DIAPH1: variants seen among roughly 807,000 people sequenced by gnomAD.
DIAPH1 encodes the protein protein diaphanous homolog 1.
In DIAPH1, 46 loss-of-function variants were observed where a neutral mutation model predicts 140.7. That is an observed-to-expected ratio of 0.33 (90% CI 0.26 to 0.42). The LOEUF is 0.42. Among genes scored for constraint, DIAPH1 ranks in the 10% least tolerant of loss-of-function variants. The pLI is 1.00. For missense variants in DIAPH1, 1,310 were observed against 1,558.7 expected, an observed-to-expected ratio of 0.84 and a Z score of 2.69; for synonymous variants, 565 against 551.6, an observed-to-expected ratio of 1.02 and a Z score of -0.34.
intron 18 of DIAPH1, among the ~76,000 whole-genome samples, chr5:141,553,650 A>AC (rs992834067): frequency 3.3e-4 from 50 of 151,792 alleles, no homozygotes; most frequent in African/African-American, 1.2e-3. Flanking sequence ...TCTCAAAAAA[A>AC]CCCCCCAAGA....
intron 1 of DIAPH1, chr5:141,618,318 G>C (rs2099903020): frequency 1.3e-5 from 2 of 153,138 alleles, no homozygotes; most frequent in Non-Finnish European, 2.9e-5. Context: ...GGGACTGGGC[G>C]GGAGGAAAGT....
At chr5:141,576,446 T>C in intron 13 of DIAPH1, 152 bp from the exon 14 acceptor site, 1 of 756,628 alleles carries the variant, frequency 1.3e-6, no homozygotes, top group Non-Finnish European at 2.3e-6. Context: ...TTCAGTTAAG[T>C]TCAACATGTA....
Position 141,575,150 on chromosome 5 carries a change from G to C in DIAPH1, c.1462-4C>G, listed in dbSNP as rs758566221. The C allele has an allele frequency of 1.9e-5, 30 of 1,614,108 alleles. No individual in the cohort carries two copies. The Middle Eastern group carries it at 1.5e-3, about 80-fold the overall frequency. ...GGGCTGTTAACTCTGAGTCCAACTA[G>C]AGAAAAAACGAATCAGGCTCCCAGC... On this transcript the variant is annotated splice_region_variant and splice_polypyrimidine_tract_variant and intron_variant, in intron 14 of 27. Transcript: ENST00000389054.
Position 141,573,686 on chromosome 5 carries a change from C to T in DIAPH1, c.2164G>A (p.Gly722Ser). ...GMPPPPPPLP[G>S]GPGIPPPPPF... ...GGAGGTGGAGGGATTCCAGGACCAC[C>T]AGGAAGAGGGGGAGGAGGAGGTGGC... Residue 722 changes from glycine (G) to serine (S), a missense_variant, in exon 16 of 28, where the codon GGT becomes AGT. By Grantham distance (56) the Gly-to-Ser change is moderately conservative. Transcript: ENST00000389054. 1.2e-6 allele frequency: 2 copies of T among 1,602,816 alleles called. No homozygotes were observed. Among genetic ancestry groups the T allele is most frequent in the African/African-American group, 2.7e-5 (2 of 73,134 alleles).
chr5:141,579,093 G>A lies in DIAPH1; in HGVS notation c.928C>T (p.Leu310=), dbSNP rs2099896372. Reference sequence around the variant, plus strand: ...GTTTCAGGGGATATACATGCCTTCAGTGCAATAGTGGTTCCACTTTTTAAT... The same window carrying A: ...GTTTCAGGGGATATACATGCCTTCAATGCAATAGTGGTTCCACTTTTTAAT... ...DGLKSGTTIA[L]KVGCLQLINA... The change falls in exon 9 of 28, where the codon CTG becomes TTG. Residue 310 remains leucine, a synonymous_variant. Transcript: ENST00000389054. The A allele has an allele frequency of 6.2e-7, 1 of 1,612,126 alleles. No individual in the cohort carries two copies. The highest frequency in any genetic ancestry group is 1.1e-5 in the South Asian group (1 of 91,060).
At chr5:141,571,524 A>G (rs978552796) in intron 17 of DIAPH1, 88 bp from the exon 18 acceptor site, 4 of 1,175,714 alleles carry the variant, frequency 3.4e-6, no homozygotes, top group Non-Finnish European at 5.0e-6. Flanking sequence ...GGTTCTTGTT[A>G]CTGTAGACAG....
At chr5:141,538,721 C>T (rs2099889478) in intron 18 of DIAPH1, among the ~76,000 whole-genome samples, 1 of 152,148 alleles carries the variant, frequency 6.6e-6, no homozygotes, top group Non-Finnish European at 1.5e-5. Context: ...GCGTGAGCCA[C>T]CGTGCCCAGC....
chr5:141,526,112 A>G lies in DIAPH1; in HGVS notation c.3500T>C (p.Leu1167Pro). The part of the protein sequence containing the change: ...ETEEKMRRAK[L>P]AKEKAEKERL... ...CTCCTTCTCTGCCTTCTCCTTGGCTAGTTTTGCTCGCCTCATCTTTTCTTC... is the reference window on the plus strand; with the variant it reads ...CTCCTTCTCTGCCTTCTCCTTGGCTGGTTTTGCTCGCCTCATCTTTTCTTC... Residue 1167 changes from leucine (L) to proline (P), a missense_variant, in exon 26 of 28, where the codon CTA becomes CCA. By Grantham distance (98) the Leu-to-Pro change is moderately conservative. Transcript: ENST00000389054. 6.2e-7 allele frequency: 1 copy of G among 1,613,982 alleles called. No individual in the cohort carries two copies. The highest frequency in any genetic ancestry group is 1.3e-5 in the African/African-American group (1 of 74,956).
At chr5:141,574,929 G>C in intron 15 of DIAPH1, 38 bp downstream of exon 15, 2 of 1,612,216 alleles carry the variant, frequency 1.2e-6, no homozygotes. Flanking sequence ...TGCATCCTGA[G>C]GTTACAGGTC....
At chr5:141,581,618 G>A (rs2099896760) in intron 7 of DIAPH1, among the ~76,000 whole-genome samples, 1 of 152,146 alleles carries the variant, frequency 6.6e-6, no homozygotes, top group South Asian at 2.1e-4. Flanking sequence ...ACAGGACTGT[G>A]GGCTCACTAG....
rs1241298574 is a variant in DIAPH1 at position 141,601,845 on chromosome 5, C to T, written c.118-13595G>A. 2.6e-5 allele frequency among the ~76,000 whole-genome samples: 4 copies of T among 152,140 alleles called. No homozygotes were observed. In the South Asian group the frequency reaches 6.2e-4, roughly 24 times the overall value. ...ATATGACAGTACACTATGATTGTTA[C>T]GAATAGCTCAGTAAATCAAACCTTC... On this transcript the variant is annotated intron_variant, in intron 1 of 27. Transcript: ENST00000389054.
rs567684720 is a variant in DIAPH1 at position 141,549,337 on chromosome 5, G to A, written c.2483-14904C>T. 5.3e-5 allele frequency among the ~76,000 whole-genome samples: 8 copies of A among 152,134 alleles called. No homozygotes were observed. The South Asian group carries it at 1.7e-3, about 32-fold the overall frequency. On this transcript the variant is annotated intron_variant, in intron 18 of 27. Coordinates refer to ENST00000389054, the MANE Select transcript of DIAPH1 (RefSeq NM_005219.5). ...TCATAATAAAGGGTCAATCCTTGAG[G>A]AAAATATAATAATTCTAAATCTAAA...
At position 141,516,376 on chromosome 5, in the gene DIAPH1, A is replaced by T; in HGVS notation, c.*475T>A. The T allele has an allele frequency of 5.0e-6, 1 of 200,396 alleles. No individual in the cohort carries two copies. The highest frequency in any genetic ancestry group is 1.2e-4 in the East Asian group (1 of 8,532). 12.4% of individuals were successfully genotyped at this position (200,396 alleles called of 1,614,324 possible). A position where few individuals can be genotyped will look rare whatever the true frequency, so the allele number is the denominator to read the frequency against. ...AGCCAGGAGAGGGAAGAGCAGAGAC[A>T]ACAGCAATGAAAGGAGGGATCTAGC... On this transcript the variant is annotated 3_prime_UTR_variant, in exon 28 of 28. Coordinates refer to ENST00000389054, the MANE Select transcript of DIAPH1 (RefSeq NM_005219.5).
chr5:141,572,619 G>A (rs192708340), intron 16 of DIAPH1, among the ~76,000 whole-genome samples: 149 of 152,242 alleles, frequency 9.8e-4, no homozygotes, highest in Middle Eastern at 3.4e-3. Context: ...GACCAACATG[G>A]TGAAACCCCA....
rs1554211014 is a variant in DIAPH1, at chr5:141,591,712, A to ATATTTATATATATT, written c.118-3463_118-3462insAATATATATAAATA. The stretch of plus-strand genomic sequence containing the variant: ...GAGATGGGGATATATATATATATAT[A>ATATTTATATATATT]TATATATATATATATGAAGGAAGAT... On this transcript the variant is annotated intron_variant, in intron 1 of 27. Coordinates refer to ENST00000389054, the MANE Select transcript of DIAPH1 (RefSeq NM_005219.5). Among the ~76,000 whole-genome samples, 13 of 71,668 alleles carry ATATTTATATATATT rather than the reference A, an allele frequency of 1.8e-4. 1 individual carries two copies. The highest frequency in any genetic ancestry group is 1.2e-3 in the Admixed American group (6 of 5,146). 47.0% of individuals were successfully genotyped at this position (71,668 alleles called of 152,430 possible).
chr5:141,548,381 G>A (rs2099891150), intron 18 of DIAPH1, among the ~76,000 whole-genome samples: 1 of 151,406 alleles, frequency 6.6e-6, no homozygotes, highest in Admixed American at 6.6e-5. Flanking sequence ...AACTAATATA[G>A]TAAAGGGAGT....
chr5:141,526,436 T>G lies in DIAPH1; in HGVS notation c.3299A>C (p.Gln1100Pro), dbSNP rs1278764113. The G allele has an allele frequency of 6.2e-7, 1 of 1,614,186 alleles. No individual in the cohort carries two copies. The highest frequency in any genetic ancestry group is 1.1e-5 in the South Asian group (1 of 91,088). The change falls in exon 25 of 28, where the codon CAG becomes CCG. Residue 1100 changes from glutamine (Q) to proline (P), a missense_variant. Around this residue, in one of 3 missense-constraint regions of DIAPH1, gnomAD observed 344 missense variants for 512.2 expected, o/e 0.67. Coordinates refer to ENST00000389054, the MANE Select transcript of DIAPH1 (RefSeq NM_005219.5). The stretch of plus-strand genomic sequence containing the variant: ...ATGCATCATCCGCAGCTTGTTATAC[T>G]GTTCCTGTGCATCCTTCACAAAGCT... ...MTSFVKDAQE[Q>P]YNKLRMMHSN... is the part of the protein sequence containing the mutation.
At chr5:141,581,657 A>T (rs1033221634) in intron 7 of DIAPH1, among the ~76,000 whole-genome samples, 1 of 152,230 alleles carries the variant, frequency 6.6e-6, no homozygotes, top group African/African-American at 2.4e-5. Context: ...CAAAAAGAAG[A>T]TAAAAATGGA....
intron 24 of DIAPH1, 71 bp downstream of exon 24, chr5:141,527,502 G>C: frequency 6.4e-6 from 10 of 1,566,704 alleles, no homozygotes; most frequent in Middle Eastern, 1.7e-4. Context: ...TATCTATCCT[G>C]TTTTTCCCCC....
Sources: allele counts gnomAD v4.1 joint callset (sites outside exome capture counted in the v4.1 genomes callset), GRCh38; gene constraint gnomAD v4.1.1; regional missense constraint gnomAD v4.1.1; transcripts MANE v1.5; gene names NCBI Gene and HGNC (gene_info 2026-07-23, HGNC 2026-07-21).